The following CENPP variants were observed in gnomAD, a reference collection of about 807,000 sequenced individuals.
CENPP encodes centromere protein P.
A neutral mutation model predicts 35.6 loss-of-function variants in CENPP; 24 were observed. That is an observed-to-expected ratio of 0.67 (90% CI 0.49 to 0.95). The LOEUF (loss-of-function observed/expected upper bound fraction) is 0.95, where lower values mean the gene tolerates loss of function less well. CENPP is among the 40% of genes least tolerant of loss of function. The probability of loss-of-function intolerance (pLI) is 0.00; values close to 1 mark genes in which losing one functional copy is unlikely to be tolerated. For missense variants in CENPP, 332 were observed against 345.3 expected, an observed-to-expected ratio of 0.96 and a Z score of 0.31; for synonymous variants, 120 against 125.5, an observed-to-expected ratio of 0.96 and a Z score of 0.29.
intron 5 of CENPP, among the ~76,000 whole-genome samples, chr9:92,558,508 A>G (rs930549762): frequency 6.6e-6 from 1 of 152,136 alleles, no homozygotes; most frequent in Non-Finnish European, 1.5e-5. Context: ...TGGGTCTCTC[A>G]GCCGTGGATA....
chr9:92,529,870 C>T (rs900279629), intron 5 of CENPP, among the ~76,000 whole-genome samples: 3 of 152,190 alleles, frequency 2.0e-5, no homozygotes, highest in African/African-American at 4.8e-5. Flanking sequence ...TATAGTCAGC[C>T]CTTTATATCA....
At chr9:92,517,913 G>A (rs1182228787) in intron 5 of CENPP, 7 of 1,610,018 alleles carry the variant, frequency 4.3e-6, no homozygotes, top group Non-Finnish European at 5.9e-6. Flanking sequence ...AATTTCTTAT[G>A]TGATTATCAG....
intron 5 of CENPP, chr9:92,494,125 C>T: frequency 6.3e-7 from 1 of 1,597,790 alleles, no homozygotes; most frequent in Non-Finnish European, 8.5e-7. Flanking sequence ...TTGTCACTGT[C>T]TCTAGAACAG....
chr9:92,494,005 C>G (rs374607616), intron 5 of CENPP: 1 of 1,454,842 alleles, frequency 6.9e-7, no homozygotes, highest in African/African-American at 1.4e-5. Flanking sequence ...CCAGTGTGCT[C>G]GTCGCATTGT....
At chr9:92,600,545 G>C in intron 5 of CENPP, 1 of 1,612,526 alleles carries the variant, frequency 6.2e-7, no homozygotes, top group Non-Finnish European at 8.5e-7. Flanking sequence ...ACTGGGGCTG[G>C]GGCACATGGA....
At chr9:92,609,874 G>A (rs1345617000) in intron 5 of CENPP, among the ~76,000 whole-genome samples, 1 of 152,036 alleles carries the variant, frequency 6.6e-6, no homozygotes, top group Non-Finnish European at 1.5e-5. Context: ...CCGAGTAGCT[G>A]GGATTACAGG....
intron 5 of CENPP, among the ~76,000 whole-genome samples, chr9:92,471,482 ACCGCAC>A (rs1845513914): frequency 3.9e-5 from 6 of 151,952 alleles, no homozygotes; most frequent in African/African-American, 1.4e-4. Context: ...GTCGTGAGCC[ACCGCAC>A]CCAGCCGGGT....
At chr9:92,377,223 A>G (rs910457556) in intron 4 of CENPP, among the ~76,000 whole-genome samples, 3 of 152,168 alleles carry the variant, frequency 2.0e-5, no homozygotes, top group African/African-American at 7.2e-5. Context: ...TTTTTATTAA[A>G]AGGGAAGCCT....
At chr9:92,411,130 G>A (rs1419605798) in intron 5 of CENPP, among the ~76,000 whole-genome samples, 2 of 151,902 alleles carry the variant, frequency 1.3e-5, no homozygotes, top group African/African-American at 4.8e-5. Context: ...CTGCCACCAC[G>A]CCCAGCTACT....
intron 5 of CENPP, among the ~76,000 whole-genome samples, chr9:92,597,095 A>G (rs1850803069): frequency 6.6e-6 from 1 of 152,208 alleles, no homozygotes; most frequent in East Asian, 1.9e-4. Context: ...GTTATCTAGT[A>G]GAATGTTTAT....
At chr9:92,343,524 A>AT (rs1052927587) in intron 3 of CENPP, among the ~76,000 whole-genome samples, 3 of 152,178 alleles carry the variant, frequency 2.0e-5, no homozygotes, top group South Asian at 2.1e-4. Context: ...AAAATAAGCA[A>AT]TTTTTTTAAA....
chr9:92,500,764 C>T, intron 5 of CENPP: 3 of 1,613,782 alleles, frequency 1.9e-6, no homozygotes, highest in Non-Finnish European at 2.5e-6. Context: ...AAATGTAGTG[C>T]TTTCATTTCT....
At chr9:92,417,151 C>T in intron 5 of CENPP, 1 of 1,613,784 alleles carries the variant, frequency 6.2e-7, no homozygotes, top group East Asian at 2.2e-5. Context: ...GCTTAGCAAA[C>T]ACACCATAAT....
At chr9:92,577,672 T>C (rs1351827642) in intron 5 of CENPP, among the ~76,000 whole-genome samples, 1 of 152,014 alleles carries the variant, frequency 6.6e-6, no homozygotes, top group Non-Finnish European at 1.5e-5. Flanking sequence ...AAAATCAAGA[T>C]AGCTGGGCAT....
intron 3 of CENPP, among the ~76,000 whole-genome samples, 190 bp from the exon 4 acceptor site, chr9:92,345,509 G>A (rs1841266138): frequency 6.7e-6 from 1 of 150,220 alleles, no homozygotes; most frequent in Admixed American, 6.6e-5. Flanking sequence ...AAAAAAAAAG[G>A]CATCTTACCT....
Position 92,567,377 on chromosome 9 carries a change from T to TATAGATATAG in CENPP, c.565-43934_565-43933insGATATAGATA, listed in dbSNP as rs1401492838. On this transcript the variant is annotated intron_variant, in intron 5 of 7. Coordinates refer to ENST00000375587, the MANE Select transcript of CENPP (RefSeq NM_001012267.3). ...GGTATACAGTTACATAAGATAGATA[T>TATAGATATAG]ATATATATATATATATATAGATATA... 3.4e-5 allele frequency among the ~76,000 whole-genome samples: 3 copies of TATAGATATAG among 87,528 alleles called. No homozygotes were observed. In the East Asian group the frequency reaches 7.0e-4, roughly 20 times the overall value. The allele number at this position is 87,528 out of a possible 152,430, so 57.4% of individuals were successfully genotyped here. A position where few individuals can be genotyped will look rare whatever the true frequency, so the allele number is the denominator to read the frequency against.
intron 5 of CENPP, among the ~76,000 whole-genome samples, chr9:92,583,869 T>C (rs987208458): frequency 2.0e-5 from 3 of 152,224 alleles, no homozygotes; most frequent in African/African-American, 4.8e-5. Flanking sequence ...TTTAAATGTT[T>C]GCATACTGAA....
At chr9:92,554,893 C>T (rs887066666) in intron 5 of CENPP, among the ~76,000 whole-genome samples, 1 of 152,148 alleles carries the variant, frequency 6.6e-6, no homozygotes, top group Non-Finnish European at 1.5e-5. Context: ...GCCTCGGCCT[C>T]CCAAAGTGCT....
At chr9:92,495,584 G>A in intron 5 of CENPP, 2 of 978,276 alleles carry the variant, frequency 2.0e-6, no homozygotes, top group Non-Finnish European at 2.4e-6. Context: ...AATAGTGAAG[G>A]TAATCTTAAT....
Sources: allele counts gnomAD v4.1 joint callset (sites outside exome capture counted in the v4.1 genomes callset), GRCh38; gene constraint gnomAD v4.1.1; transcripts MANE v1.5; gene names NCBI Gene and HGNC (gene_info 2026-07-23, HGNC 2026-07-21).